PDE11A: variants seen among roughly 807,000 people sequenced by gnomAD.
PDE11A encodes phosphodiesterase 11A, also known as dual 3',5'-cyclic-AMP and -GMP phosphodiesterase 11A.
A neutral mutation model predicts 100.5 loss-of-function variants in PDE11A; 100 were observed. That is an observed-to-expected ratio of 1.00 (90% CI 0.85 to 1.18). PDE11A has a LOEUF of 1.18. Ranked by LOEUF, PDE11A falls within the 50% of genes most tolerant of loss-of-function variation. The pLI, the probability that PDE11A is intolerant of heterozygous loss-of-function variation, is 0.00. For missense variants in PDE11A, 1,141 were observed against 1,152.6 expected (o/e 0.99, Z 0.15); for synonymous variants, 381 against 420.8 (o/e 0.91, Z 1.16).
chr2:177,882,915 TG>T (rs953666887), intron 4 of PDE11A, among the ~76,000 whole-genome samples: 5 of 152,202 alleles, frequency 3.3e-5, no homozygotes, highest in African/African-American at 1.2e-4. Context: ...TCATGATTTT[TG>T]TTTTCTAATT....
chr2:177,750,920 G>C (rs967040472), intron 10 of PDE11A, among the ~76,000 whole-genome samples: 3 of 152,126 alleles, frequency 2.0e-5, no homozygotes, highest in Non-Finnish European at 4.4e-5. Flanking sequence ...AGAATCGCCT[G>C]GGGGCTTAAA....
rs1296919391 is a variant in PDE11A at position 177,631,403 on chromosome 2, C to A, written c.2647-1841G>T. Reference sequence around the variant, plus strand: ...GGCTGAGGCAGGAGAATCGCTTGAACCCAGGAGGCAGAAGTTGCAGTGGGC... The same window carrying A: ...GGCTGAGGCAGGAGAATCGCTTGAAACCAGGAGGCAGAAGTTGCAGTGGGC... On this transcript the variant is annotated intron_variant, in intron 19 of 19. Transcript: ENST00000286063. Among the ~76,000 whole-genome samples, 3 of 134,510 alleles carry A rather than the reference C, an allele frequency of 2.2e-5. No individual in the cohort carries two copies. The East Asian group carries it at 7.1e-4, about 32-fold the overall frequency. 88.2% of individuals were successfully genotyped at this position (134,510 alleles called of 152,430 possible).
In PDE11A at chr2:178,032,253, T is replaced by G. The variant is rs150239923; in HGVS notation, c.913-17793A>C. Among the ~76,000 whole-genome samples, 699 of 152,288 alleles carry G rather than the reference T, an allele frequency of 4.6e-3. 4 individuals are homozygous for G. Among genetic ancestry groups the G allele is most frequent in the African/African-American group, 0.016 (665 of 41,566 alleles). ...AAGACACTATAGGAGAATATTTTTCTTCATACCCTGTTTCAAGAATAAGAA... is the reference window on the plus strand; with the variant it reads ...AAGACACTATAGGAGAATATTTTTCGTCATACCCTGTTTCAAGAATAAGAA... On this transcript the variant is annotated intron_variant, in intron 1 of 19. Coordinates refer to ENST00000286063, the MANE Select transcript of PDE11A (RefSeq NM_016953.4).
chr2:177,997,434 T>C, intron 2 of PDE11A: 1 of 828,268 alleles, frequency 1.2e-6, no homozygotes, highest in South Asian at 1.3e-5. Context: ...TATACAGGTT[T>C]CCAGGATAGT....
rs2087152354 is a variant in PDE11A at position 178,072,620 on chromosome 2, G to A, written c.-183C>T. On this transcript the variant is annotated 5_prime_UTR_variant, in exon 1 of 20. Coordinates refer to ENST00000286063, the MANE Select transcript of PDE11A (RefSeq NM_016953.4). ...CCCCTTCCTTCTCTGGCTCAGAGTG[G>A]CTGGCGCCGACCCCACCCCGTGGTC... The A allele has an allele frequency of 2.0e-6, 3 of 1,491,636 alleles. No homozygotes were observed. Among genetic ancestry groups the A allele is most frequent in the Non-Finnish European group, 2.7e-6 (3 of 1,124,818 alleles). The allele number at this position is 1,491,636 out of a possible 1,614,324, so 92.4% of individuals were successfully genotyped here.
At chr2:178,038,003 T>G (rs1456960943) in intron 1 of PDE11A, among the ~76,000 whole-genome samples, 1 of 151,904 alleles carries the variant, frequency 6.6e-6, no homozygotes, top group Non-Finnish European at 1.5e-5. Flanking sequence ...CAAACCTGCA[T>G]GTTCTGCACA....
chr2:178,001,944 A>G (rs2086150355), intron 2 of PDE11A, among the ~76,000 whole-genome samples: 1 of 152,034 alleles, frequency 6.6e-6, no homozygotes, highest in Admixed American at 6.6e-5. Flanking sequence ...AGATTTGAGT[A>G]TATAGGTGAG....
chr2:178,023,622 T>A (rs2086441381), intron 1 of PDE11A, among the ~76,000 whole-genome samples: 1 of 152,218 alleles, frequency 6.6e-6, no homozygotes, highest in South Asian at 2.1e-4. Flanking sequence ...ATCTTGAATC[T>A]ACCTTAGGTC....
intron 18 of PDE11A, among the ~76,000 whole-genome samples, chr2:177,664,641 A>T (rs1329976684): frequency 6.6e-6 from 1 of 152,198 alleles, no homozygotes; most frequent in Admixed American, 6.5e-5. Flanking sequence ...GAAACAATCA[A>T]TTGGAATTTT....
chr2:177,746,930 G>A (rs2081956908), intron 10 of PDE11A, among the ~76,000 whole-genome samples: 1 of 152,210 alleles, frequency 6.6e-6, no homozygotes, highest in African/African-American at 2.4e-5. Flanking sequence ...ACTGAAATAA[G>A]ATAGATACCA....
chr2:177,788,023 C>T (rs1014043363), intron 9 of PDE11A, among the ~76,000 whole-genome samples: 13 of 151,976 alleles, frequency 8.6e-5, no homozygotes, highest in African/African-American at 3.1e-4. Context: ...GAACTCAGCT[C>T]TGCACCAAGC....
At chr2:177,784,388 G>A (rs563278672) in intron 9 of PDE11A, among the ~76,000 whole-genome samples, 8 of 151,992 alleles carry the variant, frequency 5.3e-5, no homozygotes, top group Admixed American at 1.3e-4. Flanking sequence ...TACAAATGCC[G>A]TGGCATTGTC....
At chr2:177,914,228 G>C (rs1448027137) in intron 2 of PDE11A, among the ~76,000 whole-genome samples, 1 of 151,908 alleles carries the variant, frequency 6.6e-6, no homozygotes, top group Non-Finnish European at 1.5e-5. Flanking sequence ...TTATTGCTCA[G>C]TAAGTACCCT....
rs1431601830 is a variant in PDE11A, at chr2:177,814,235, C to T, written c.1737+2594G>A. ...CATAGAAATATTTAGAAAAATATTACACTTACACATATTCATATATAATAT... is the reference window on the plus strand; with the variant it reads ...CATAGAAATATTTAGAAAAATATTATACTTACACATATTCATATATAATAT... On this transcript the variant is annotated intron_variant, in intron 9 of 19. Transcript: ENST00000286063. 7.2e-5 allele frequency among the ~76,000 whole-genome samples: 11 copies of T among 151,990 alleles called. No homozygotes were observed. In the East Asian group the frequency reaches 1.2e-3, roughly 16 times the overall value.
intron 2 of PDE11A, among the ~76,000 whole-genome samples, chr2:177,978,856 C>T (rs1043491841): frequency 2.1e-5 from 2 of 94,834 alleles, no homozygotes; most frequent in African/African-American, 8.9e-5. Flanking sequence ...TATTCTCACT[C>T]ATAGGTGGGA....
At chr2:177,631,833 A>T (rs2079955122) in intron 19 of PDE11A, among the ~76,000 whole-genome samples, 1 of 151,774 alleles carries the variant, frequency 6.6e-6, no homozygotes, top group Non-Finnish European at 1.5e-5. Flanking sequence ...GCTTCTGTTA[A>T]CACCTAACAC....
chr2:177,786,087 A>G (rs914589560), intron 9 of PDE11A, among the ~76,000 whole-genome samples: 4 of 152,198 alleles, frequency 2.6e-5, no homozygotes, highest in African/African-American at 9.7e-5. Flanking sequence ...CTGCCTCGTC[A>G]AGTGGGTCCC....
At chr2:178,006,288 G>C (rs1007932080) in intron 2 of PDE11A, among the ~76,000 whole-genome samples, 1 of 152,152 alleles carries the variant, frequency 6.6e-6, no homozygotes, top group Non-Finnish European at 1.5e-5. Context: ...TTTTGAAATA[G>C]TGCCTACTTA....
chr2:177,709,831 C>T (rs908537987), intron 13 of PDE11A, among the ~76,000 whole-genome samples: 4 of 151,982 alleles, frequency 2.6e-5, no homozygotes, highest in African/African-American at 9.7e-5. Flanking sequence ...AGAAGGACAA[C>T]GAAAAGGTCC....
Sources: gnomAD v4.1 joint callset for allele counts (sites outside exome capture counted in the v4.1 genomes callset) on GRCh38, gnomAD v4.1.1 for gene constraint, MANE v1.5 for transcripts, NCBI Gene and HGNC (gene_info 2026-07-23, HGNC 2026-07-21) for gene names.